CDIN1: variants seen among roughly 807,000 people sequenced by gnomAD.
The protein encoded by CDIN1 is CDAN1-interacting nuclease 1.
Under a neutral mutation model 45.3 loss-of-function variants are expected in CDIN1, and 33 were observed. That is an observed-to-expected ratio of 0.73 (90% CI 0.55 to 0.97). The LOEUF (loss-of-function observed/expected upper bound fraction) is 0.97. CDIN1 is among the 50% of genes least tolerant of loss of function. The pLI is 0.00. For synonymous variants in CDIN1, 118 were observed against 124.4 expected (o/e 0.95, Z 0.34); for missense variants, 303 against 339.4 (o/e 0.89, Z 0.84).
chr15:36,662,555 A>G (rs1042478948), intron 5 of CDIN1, among the ~76,000 whole-genome samples: 5 of 151,640 alleles, frequency 3.3e-5, no homozygotes, highest in Admixed American at 6.6e-5. Context: ...AATAGAAGAA[A>G]GTATGAGAAG....
At chr15:36,756,659 A>C (rs993228093) in intron 10 of CDIN1, among the ~76,000 whole-genome samples, 1 of 152,238 alleles carries the variant, frequency 6.6e-6, no homozygotes, top group African/African-American at 2.4e-5. Flanking sequence ...ATTAATAGTG[A>C]GAGACCTTGG....
At chr15:36,637,449 G>A (rs1392913586) in intron 1 of CDIN1, among the ~76,000 whole-genome samples, 10 of 152,140 alleles carry the variant, frequency 6.6e-5, no homozygotes, top group Non-Finnish European at 1.3e-4. Context: ...AAAATGAAAA[G>A]GCAAGCCATG....
chr15:36,681,066 C>T (rs1419793688), intron 5 of CDIN1, among the ~76,000 whole-genome samples: 3 of 151,776 alleles, frequency 2.0e-5, no homozygotes, highest in South Asian at 4.1e-4. Flanking sequence ...AATAGAATAC[C>T]ATGAACTAGA....
At chr15:36,802,208 G>C (rs2055073000) in intron 10 of CDIN1, among the ~76,000 whole-genome samples, 1 of 152,206 alleles carries the variant, frequency 6.6e-6, no homozygotes, top group South Asian at 2.1e-4. Flanking sequence ...GATAGTCATA[G>C]TGCCCTCCTC....
intron 1 of CDIN1, among the ~76,000 whole-genome samples, chr15:36,607,742 T>G (rs1277929023): frequency 6.6e-6 from 1 of 152,220 alleles, no homozygotes; most frequent in East Asian, 1.9e-4. Context: ...TCACCCTTTT[T>G]AAGTGTACAA....
chr15:36,678,285 C>G (rs556936384), intron 5 of CDIN1, among the ~76,000 whole-genome samples: 188 of 152,300 alleles, frequency 1.2e-3, no homozygotes, highest in African/African-American at 4.4e-3. Context: ...GGAAATTGTT[C>G]AGGAAAGACA....
intron 10 of CDIN1, among the ~76,000 whole-genome samples, chr15:36,805,030 C>A (rs2055182575): frequency 6.6e-6 from 1 of 152,122 alleles, no homozygotes; most frequent in South Asian, 2.1e-4. Context: ...AAAACCTCAT[C>A]TTTCTTGCCT....
At position 36,741,815 on chromosome 15, in the gene CDIN1, A is replaced by G. The variant is rs560052918; in HGVS notation, c.716+31854A>G. Reference sequence around the variant, plus strand: ...ACCCTAATGACCTCATTGTAACTTAATTTCCTCTGTAAAGACCCTGTCCCC... The same window carrying G: ...ACCCTAATGACCTCATTGTAACTTAGTTTCCTCTGTAAAGACCCTGTCCCC... On this transcript the variant is annotated intron_variant, in intron 10 of 10. Transcript: ENST00000566621. Among the ~76,000 whole-genome samples, 5 of 152,240 alleles carry G rather than the reference A, an allele frequency of 3.3e-5. No homozygotes were observed. The South Asian group carries it at 6.2e-4, about 19-fold the overall frequency.
At chr15:36,689,547 A>G (rs1024904366) in intron 5 of CDIN1, among the ~76,000 whole-genome samples, 7 of 152,152 alleles carry the variant, frequency 4.6e-5, no homozygotes, top group Non-Finnish European at 7.3e-5. Context: ...TGCCATTACC[A>G]TGTGGTGACT....
chr15:36,665,168 T>C (rs560767511), intron 5 of CDIN1, among the ~76,000 whole-genome samples: 1 of 152,344 alleles, frequency 6.6e-6, no homozygotes, highest in South Asian at 2.1e-4. Flanking sequence ...TTTTTACTAC[T>C]GGTGAAATGA....
chr15:36,617,706 C>T, intron 1 of CDIN1: 1 of 778,328 alleles, frequency 1.3e-6, no homozygotes. Context: ...TAGAGAGATT[C>T]CTGAAACAAC....
At chr15:36,620,739 G>A (rs1465956914) in intron 1 of CDIN1, among the ~76,000 whole-genome samples, 1 of 152,068 alleles carries the variant, frequency 6.6e-6, no homozygotes, top group Non-Finnish European at 1.5e-5. Context: ...GAAACATTGT[G>A]ACTGACTCTT....
chr15:36,730,855 G>A (rs1035120812), intron 10 of CDIN1, among the ~76,000 whole-genome samples: 4 of 151,910 alleles, frequency 2.6e-5, no homozygotes, highest in African/African-American at 4.8e-5. Context: ...CTTGCTCATC[G>A]AATTCTTTTT....
chr15:36,681,413 T>C (rs530304890), intron 5 of CDIN1, among the ~76,000 whole-genome samples: 8 of 152,194 alleles, frequency 5.3e-5, no homozygotes, highest in Non-Finnish European at 1.0e-4. Flanking sequence ...ACAAACACTT[T>C]GTGAGAGTAG....
rs1172040193 is a variant in CDIN1, at chr15:36,788,106, ATTTTTTTTTT to A, written c.717-20200_717-20191del. The stretch of plus-strand genomic sequence containing the variant: ...TATATATATATATATATATATATAT[ATTTTTTTTTT>A]TTTTTTTTTTTTTTTTTGAGACAGA... On this transcript the variant is annotated intron_variant, in intron 10 of 10. Coordinates refer to ENST00000566621, the MANE Select transcript of CDIN1 (RefSeq NM_001321759.2). 6.2e-3 allele frequency among the ~76,000 whole-genome samples: 313 copies of A among 50,402 alleles called. 1 individual carries two copies. Among genetic ancestry groups the A allele is most frequent in the African/African-American group, 0.023 (299 of 12,788 alleles). 33.1% of individuals were successfully genotyped at this position (50,402 alleles called of 152,430 possible). A position where few individuals can be genotyped will look rare whatever the true frequency, so the allele number is the denominator to read the frequency against.
intron 5 of CDIN1, chr15:36,669,226 A>G (rs746038754): frequency 2.0e-5 from 3 of 152,110 alleles, no homozygotes; most frequent in Non-Finnish European, 2.9e-5. Context: ...GTTTAGATCT[A>G]TCTGCATATG....
At chr15:36,638,739 T>C (rs1049132697) in intron 1 of CDIN1, among the ~76,000 whole-genome samples, 8 of 152,208 alleles carry the variant, frequency 5.3e-5, no homozygotes, top group African/African-American at 1.9e-4. Context: ...TCTAAAGCCA[T>C]GGAATTTGGT....
chr15:36,582,183 T>G (rs576542242), intron 1 of CDIN1, among the ~76,000 whole-genome samples: 1 of 152,370 alleles, frequency 6.6e-6, no homozygotes, highest in Non-Finnish European at 1.5e-5. Flanking sequence ...GTCTGCCAGA[T>G]ACTTAAATCT....
intron 10 of CDIN1, among the ~76,000 whole-genome samples, chr15:36,716,684 G>A (rs78689652): frequency 0.01 from 1,573 of 152,220 alleles, 25 homozygotes; most frequent in African/African-American, 0.036. Context: ...ACTATGATGA[G>A]GTTAGTCTGT....
Sources: allele counts gnomAD v4.1 joint callset (sites outside exome capture counted in the v4.1 genomes callset), GRCh38; gene constraint gnomAD v4.1.1; transcripts MANE v1.5; gene names NCBI Gene and HGNC (gene_info 2026-07-23, HGNC 2026-07-21).